SAV1: variants seen among roughly 807,000 people sequenced by gnomAD.
SAV1 encodes the protein salvador family WW domain containing protein 1.
In SAV1, 23 loss-of-function variants were observed where a neutral mutation model predicts 47.3. The ratio of observed to expected loss-of-function variants is 0.49; its 90% CI spans 0.35 to 0.69. The LOEUF (loss-of-function observed/expected upper bound fraction) is 0.69. SAV1 is among the 30% of genes least tolerant of loss of function. The pLI, the probability that SAV1 is intolerant of heterozygous loss-of-function variation, is 0.01. For synonymous variants in SAV1, 155 were observed against 159.2 expected, an observed-to-expected ratio of 0.97 and a Z score of 0.20; for missense variants, 448 against 457.4, an observed-to-expected ratio of 0.98 and a Z score of 0.19.
intron 2 of SAV1, 75 bp from the exon 3 acceptor site, chr14:50,645,089 T>C: frequency 2.3e-6 from 3 of 1,279,378 alleles, no homozygotes; most frequent in Non-Finnish European, 3.2e-6. Context: ...GCTAGCAAAG[T>C]CACAACATTA....
At chr14:50,652,708 G>C (rs1766138376) in intron 2 of SAV1, among the ~76,000 whole-genome samples, 1 of 152,244 alleles carries the variant, frequency 6.6e-6, no homozygotes, top group South Asian at 2.1e-4. Flanking sequence ...TGATAATATG[G>C]AACATGAGAA....
chr14:50,659,145 T>C (rs1024437382), intron 2 of SAV1, among the ~76,000 whole-genome samples: 1 of 151,790 alleles, frequency 6.6e-6, no homozygotes, highest in Non-Finnish European at 1.5e-5. Context: ...CCTGCAACCT[T>C]CTTTAAACCT....
chr14:50,635,864 C>G (rs2140246080), intron 4 of SAV1, among the ~76,000 whole-genome samples: 1 of 152,214 alleles, frequency 6.6e-6, no homozygotes, highest in Middle Eastern at 3.4e-3. Context: ...CATGCGCCAC[C>G]ATGCCCAGCT....
chr14:50,647,129 A>T (rs192287555), intron 2 of SAV1, among the ~76,000 whole-genome samples: 1 of 152,220 alleles, frequency 6.6e-6, no homozygotes, highest in Non-Finnish European at 1.5e-5. Flanking sequence ...ATTTAAAACT[A>T]TAACGCTTTT....
intron 2 of SAV1, among the ~76,000 whole-genome samples, chr14:50,647,424 A>T (rs1281418411): frequency 1.3e-5 from 2 of 152,184 alleles, no homozygotes; most frequent in African/African-American, 4.8e-5. Flanking sequence ...TGCTGCAGTG[A>T]CACGCACCTG....
At chr14:50,637,595 C>T (rs1279897890) in intron 4 of SAV1, 5 of 148,492 alleles carry the variant, frequency 3.4e-5, no homozygotes, top group East Asian at 3.9e-4. Flanking sequence ...TTTTAAGACA[C>T]GAATATCATT....
chr14:50,643,130 C>T (rs1428229601), intron 3 of SAV1, among the ~76,000 whole-genome samples: 1 of 152,116 alleles, frequency 6.6e-6, no homozygotes, highest in Non-Finnish European at 1.5e-5. Flanking sequence ...TTAAGGGCAG[C>T]GTTTATTCTC....
intron 2 of SAV1, among the ~76,000 whole-genome samples, chr14:50,660,427 T>C (rs528571253): frequency 6.6e-6 from 1 of 152,380 alleles, no homozygotes; most frequent in Non-Finnish European, 1.5e-5. Flanking sequence ...CTCAGTGTTC[T>C]GCTCTATTCG....
At chr14:50,640,985 G>A in intron 3 of SAV1, 92 bp from the exon 4 acceptor site, 1 of 1,231,016 alleles carries the variant, frequency 8.1e-7, no homozygotes, top group East Asian at 2.6e-5. Flanking sequence ...GCATTTTTCA[G>A]TGTGCCTTCT....
At chr14:50,642,314 C>T (rs936639551) in intron 3 of SAV1, among the ~76,000 whole-genome samples, 8 of 151,924 alleles carry the variant, frequency 5.3e-5, no homozygotes, top group East Asian at 1.9e-4. Flanking sequence ...CATGCAGAAA[C>T]CCCGTCTCTA....
chr14:50,647,390 A>G (rs1043297446), intron 2 of SAV1, among the ~76,000 whole-genome samples: 4 of 152,146 alleles, frequency 2.6e-5, no homozygotes, highest in African/African-American at 9.7e-5. Context: ...TCAAAACTCA[A>G]CATTAAGAAA....
At chr14:50,658,238 A>G (rs927438688) in intron 2 of SAV1, among the ~76,000 whole-genome samples, 12 of 152,186 alleles carry the variant, frequency 7.9e-5, no homozygotes, top group African/African-American at 2.9e-4. Context: ...GATAAAGCTC[A>G]CACTTTTCAG....
At chr14:50,638,351 G>C (rs1161492262) in intron 4 of SAV1, among the ~76,000 whole-genome samples, 3 of 152,138 alleles carry the variant, frequency 2.0e-5, no homozygotes, top group Non-Finnish European at 4.4e-5. Context: ...CACTCCAGTA[G>C]TCCATGCTTC....
In SAV1 at chr14:50,640,762, C is replaced by T. The variant is rs747462287; in HGVS notation, c.938G>A (p.Arg313Gln). ...TAAATGTACTTACTTCACAGGGGCTCGTGCGTAAACCTGAAGCCAGTCAGG... is the reference window on the plus strand; with the variant it reads ...TAAATGTACTTACTTCACAGGGGCTTGTGCGTAAACCTGAAGCCAGTCAGG... ...EIPDWLQVYA[R>Q]APVKYDHILK... The change falls in exon 4 of 5, where the codon CGA becomes CAA. Residue 313 changes from arginine to glutamine, a missense_variant. Coordinates refer to ENST00000324679, the MANE Select transcript of SAV1 (RefSeq NM_021818.4). 4.3e-6 allele frequency: 7 copies of T among 1,612,594 alleles called. No individual in the cohort carries two copies. Among genetic ancestry groups the T allele is most frequent in the East Asian group, 4.5e-5 (2 of 44,848 alleles).
rs776604452 is a variant in SAV1, at chr14:50,667,895, CCTT to C, written c.70_72del (p.Lys24del). The C allele has an allele frequency of 1.9e-5, 30 of 1,613,108 alleles. No individual in the cohort carries two copies. In the Admixed American group the frequency reaches 2.2e-4, roughly 12 times the overall value. ...TCACTCCGAAGCAGAGGCGACGTCTCCTTCTTCACGTACTTCCCCTGCACCTCG... is the reference window on the plus strand; with the variant it reads ...TCACTCCGAAGCAGAGGCGACGTCTCCTTCACGTACTTCCCCTGCACCTCG... On this transcript the variant is annotated inframe_deletion, in exon 1 of 5. Transcript: ENST00000324679.
Position 50,635,140 on chromosome 14 carries a change from T to C in SAV1, c.*43A>G. 1 of 1,464,874 alleles carries C rather than the reference T, an allele frequency of 6.8e-7. No individual in the cohort carries two copies. Among genetic ancestry groups the C allele is most frequent in the Non-Finnish European group, 9.5e-7 (1 of 1,051,084 alleles). 90.7% of individuals were successfully genotyped at this position (1,464,874 alleles called of 1,614,324 possible). On this transcript the variant is annotated 3_prime_UTR_variant, in exon 5 of 5. Coordinates refer to ENST00000324679, the MANE Select transcript of SAV1 (RefSeq NM_021818.4). ...GTTTGCAATTTTTTATCTGTGAAAA[T>C]ATTTTAAAGCTCTTACAAAACTTAA...
Position 50,668,114 on chromosome 14 carries a change from G to C in SAV1, c.-147C>G, listed in dbSNP as rs1339074055. On this transcript the variant is annotated 5_prime_UTR_variant, in exon 1 of 5. Coordinates refer to ENST00000324679, the MANE Select transcript of SAV1 (RefSeq NM_021818.4). ...TCCGCCGCCGCCTGTCCGGAGCCCG[G>C]GGTCGCCCGCAGGGACTGCCGCATG... 2 of 414,656 alleles carry C rather than the reference G, an allele frequency of 4.8e-6. No homozygotes were observed. The highest frequency in any genetic ancestry group is 7.9e-6 in the Non-Finnish European group (2 of 254,726). The allele number at this position is 414,656 out of a possible 1,614,324, so 25.7% of individuals were successfully genotyped here.
intron 2 of SAV1, among the ~76,000 whole-genome samples, chr14:50,651,560 A>G (rs2039770019): frequency 6.6e-6 from 1 of 152,254 alleles, no homozygotes; most frequent in Non-Finnish European, 1.5e-5. Flanking sequence ...CAAATCTAAG[A>G]GTACATGAAG....
chr14:50,663,455 A>C (rs1358078696), intron 2 of SAV1, among the ~76,000 whole-genome samples: 1 of 152,222 alleles, frequency 6.6e-6, no homozygotes, highest in East Asian at 1.9e-4. Flanking sequence ...CATGCAGCTA[A>C]TTCTTTAACC....
Sources: allele counts gnomAD v4.1 joint callset (sites outside exome capture counted in the v4.1 genomes callset), GRCh38; gene constraint gnomAD v4.1.1; transcripts MANE v1.5; gene names NCBI Gene and HGNC (gene_info 2026-07-23, HGNC 2026-07-21).